Variants in NDUFB9 observed in about 807,000 individuals in gnomAD.
NDUFB9 encodes the protein NADH:ubiquinone oxidoreductase subunit B9.
NDUFB9 carries 24 observed loss-of-function variants against 30.2 expected under a neutral mutation model. That is an observed-to-expected ratio of 0.80 (90% confidence interval 0.58 to 1.12). The LOEUF (loss-of-function observed/expected upper bound fraction) is 1.12, where lower values mean the gene tolerates loss of function less well. NDUFB9 is among the 50% of genes most tolerant of loss of function. The probability of loss-of-function intolerance (pLI) is 0.00; values close to 1 mark genes in which losing one functional copy is unlikely to be tolerated. For missense variants in NDUFB9, 204 were observed against 226.0 expected, an observed-to-expected ratio of 0.90 and a Z score of 0.62; for synonymous variants, 80 against 84.0, an observed-to-expected ratio of 0.95 and a Z score of 0.26.
chr8:124,546,569 CT>C (rs1453863914), intron 2 of NDUFB9: 22 of 202,690 alleles, frequency 1.1e-4, no homozygotes, highest in Non-Finnish European at 2.2e-4. Context: ...GTCATTAAGA[CT>C]TTTCTTTCTA....
intron 1 of NDUFB9, chr8:124,539,597 A>G (rs186697046): frequency 1.0e-5 from 4 of 388,474 alleles, no homozygotes; most frequent in East Asian, 5.8e-5. Flanking sequence ...TGTAATTGTC[A>G]TGGGTCCAGC....
intron 1 of NDUFB9, chr8:124,539,531 G>A (rs1354048421): frequency 1.9e-6 from 1 of 540,124 alleles, no homozygotes; most frequent in South Asian, 2.1e-5. Flanking sequence ...ACGGACGCAC[G>A]ACCAGCGCAG....
In NDUFB9 at chr8:124,547,018, G is replaced by A; in HGVS notation, c.313G>A (p.Asp105Asn). The A allele has an allele frequency of 1.2e-6, 2 of 1,612,134 alleles. No homozygotes were observed. The highest frequency in any genetic ancestry group is 1.7e-6 in the Non-Finnish European group (2 of 1,179,738). Residue 105 changes from aspartate (D) to asparagine (N), a missense_variant, in exon 3 of 4, where the codon GAT becomes AAT. Transcript: ENST00000276689. ...CTGACAGGTCCCAGAATGGTGCTTA[G>A]ATGACTGGCATCCTTCTGAGAAGGC... ...DCYKVPEWCL[D>N]DWHPSEKAMY...
chr8:124,549,751 C>G lies in NDUFB9; in HGVS notation c.409-10C>G. 2 of 1,613,560 alleles carry G rather than the reference C, an allele frequency of 1.2e-6. No homozygotes were observed. Among genetic ancestry groups the G allele is most frequent in the Non-Finnish European group, 1.7e-6 (2 of 1,179,566 alleles). ...CCTTTGGTAATGATTCCTTCCTTGCCTCCTTCTAGGTTAAGCAGCTGCAGG... is the reference window on the plus strand; with the variant it reads ...CCTTTGGTAATGATTCCTTCCTTGCGTCCTTCTAGGTTAAGCAGCTGCAGG... On this transcript the variant is annotated splice_polypyrimidine_tract_variant and intron_variant, in intron 3 of 3. Transcript: ENST00000276689.
At chr8:124,543,416 T>G in intron 2 of NDUFB9, 137 bp downstream of exon 2, 1 of 831,624 alleles carries the variant, frequency 1.2e-6, no homozygotes, top group Non-Finnish European at 1.9e-6. Flanking sequence ...GATGCAGGCC[T>G]ACCTCATTTT....
At chr8:124,543,609 A>G (rs983629177) in intron 2 of NDUFB9, among the ~76,000 whole-genome samples, 1 of 152,032 alleles carries the variant, frequency 6.6e-6, no homozygotes, top group African/African-American at 2.4e-5. Context: ...TTATTACTCT[A>G]TCTACACACA....
At chr8:124,547,359 TTGTC>T (rs1822187938) in intron 3 of NDUFB9, 1 of 612,120 alleles carries the variant, frequency 1.6e-6, no homozygotes, top group South Asian at 2.0e-5. Flanking sequence ...CTTTAGTCCT[TTGTC>T]TGACTTTTTT....
At chr8:124,543,054 C>T (rs751907699) in intron 1 of NDUFB9, 33 bp from the exon 2 acceptor site, 17 of 1,607,802 alleles carry the variant, frequency 1.1e-5, no homozygotes, top group Non-Finnish European at 1.4e-5. Flanking sequence ...GAGTAGGTAA[C>T]ATTTCTAATC....
At chr8:124,543,652 G>A (rs1822081810) in intron 2 of NDUFB9, among the ~76,000 whole-genome samples, 1 of 152,126 alleles carries the variant, frequency 6.6e-6, no homozygotes, top group Non-Finnish European at 1.5e-5. Flanking sequence ...CACCTTTGAT[G>A]TTACTATTGT....
chr8:124,543,841 T>C (rs536543240), intron 2 of NDUFB9, among the ~76,000 whole-genome samples: 2 of 152,316 alleles, frequency 1.3e-5, no homozygotes, highest in African/African-American at 4.8e-5. Context: ...GACCATACCA[T>C]AGCCTCTAAG....
At chr8:124,545,089 C>G (rs1195425484) in intron 2 of NDUFB9, among the ~76,000 whole-genome samples, 1 of 152,182 alleles carries the variant, frequency 6.6e-6, no homozygotes, top group Non-Finnish European at 1.5e-5. Flanking sequence ...GACTGAATTG[C>G]TGTAATCTCA....
intron 3 of NDUFB9, chr8:124,547,360 TG>T: frequency 1.6e-6 from 1 of 611,592 alleles, no homozygotes; most frequent in East Asian, 2.7e-5. Context: ...TTTAGTCCTT[TG>T]TCTGACTTTT....
At chr8:124,547,444 A>G (rs1333688437) in intron 3 of NDUFB9, 1 of 592,286 alleles carries the variant, frequency 1.7e-6, no homozygotes, top group African/African-American at 1.9e-5. Context: ...TCATGTTAGG[A>G]TGGTCAGTTA....
At chr8:124,544,486 C>T (rs1822107451) in intron 2 of NDUFB9, among the ~76,000 whole-genome samples, 2 of 152,152 alleles carry the variant, frequency 1.3e-5, no homozygotes, top group African/African-American at 2.4e-5. Context: ...GAAATCAATG[C>T]TTGGCTTCAA....
rs776408427 is a variant in NDUFB9, at chr8:124,549,772, G to T, written c.420G>T (p.Leu140=). The change falls in exon 4 of 4, where the codon CTG becomes CTT. Residue 140 remains leucine (L), a synonymous_variant. Transcript: ENST00000276689. ...TTGCCTCCTTCTAGGTTAAGCAGCT[G>T]CAGGAGGAAACGCCACCTGGTGGTC... The part of the protein sequence containing the change: ...RESWEREVKQ[L]QEETPPGGPL... The T allele has an allele frequency of 6.2e-7, 1 of 1,614,136 alleles. No individual in the cohort carries two copies. The highest frequency in any genetic ancestry group is 1.3e-5 in the African/African-American group (1 of 75,034).
intron 1 of NDUFB9, chr8:124,542,800 CTCTTT>C (rs1822049023): frequency 2.9e-5 from 11 of 374,540 alleles, no homozygotes; most frequent in Non-Finnish European, 3.7e-5. Flanking sequence ...CTTGCGAATG[CTCTTT>C]TCTTTTTTTT....
intron 2 of NDUFB9, among the ~76,000 whole-genome samples, chr8:124,545,381 T>C (rs1686644325): frequency 1.3e-5 from 2 of 152,202 alleles, no homozygotes; most frequent in African/African-American, 4.8e-5. Context: ...CTCGTTATTT[T>C]AGGAAATTGC....
intron 2 of NDUFB9, 79 bp downstream of exon 2, chr8:124,543,358 C>G: frequency 6.8e-7 from 1 of 1,470,954 alleles, no homozygotes; most frequent in Non-Finnish European, 9.5e-7. Flanking sequence ...TCAGAAATCA[C>G]TTGCCCTTCA....
At chr8:124,546,088 T>C (rs1449225193) in intron 2 of NDUFB9, among the ~76,000 whole-genome samples, 1 of 152,206 alleles carries the variant, frequency 6.6e-6, no homozygotes, top group East Asian at 1.9e-4. Context: ...GTGATCCGCC[T>C]GCCTCAGCTT....
Sources: gnomAD v4.1 joint callset for allele counts (sites outside exome capture counted in the v4.1 genomes callset) on GRCh38, gnomAD v4.1.1 for gene constraint, MANE v1.5 for transcripts, NCBI Gene and HGNC (gene_info 2026-07-23, HGNC 2026-07-21) for gene names.